MAMLD1: variants seen among roughly 807,000 people sequenced by gnomAD.
MAMLD1 encodes mastermind-like domain-containing protein 1.
Under a neutral mutation model 45.0 loss-of-function variants are expected in MAMLD1, and 14 were observed. The observed-to-expected ratio is 0.31, with a 90% CI of 0.21 to 0.49. MAMLD1 has a LOEUF of 0.49. Ranked by LOEUF, MAMLD1 falls within the 20% of genes least tolerant of loss-of-function variation. The pLI, the probability that MAMLD1 is intolerant of heterozygous loss-of-function variation, is 0.99. For synonymous variants in MAMLD1, 254 were observed against 247.8 expected, an observed-to-expected ratio of 1.02 and a Z score of -0.24; for missense variants, 543 against 603.6, an observed-to-expected ratio of 0.90 and a Z score of 1.05.
chrX:150,398,257 GAA>G (rs2033521463), intron 1 of MAMLD1, among the ~76,000 whole-genome samples: 5 of 24,081 alleles, frequency 2.1e-4, no homozygotes, highest in East Asian at 3.7e-3. Context: ...AGAAGGAGAA[GAA>G]GAAGAAGAAG....
Position 150,512,292 on chromosome X carries a change from C to G in MAMLD1, c.*333C>G. 8.9e-7 allele frequency: 1 copy of G among 1,123,029 alleles called. No individual in the cohort carries two copies. 92.6% of individuals were successfully genotyped at this position (1,123,029 alleles called of 1,213,427 possible). A position where few individuals can be genotyped will look rare whatever the true frequency, so the allele number is the denominator to read the frequency against. On this transcript the variant is annotated 3_prime_UTR_variant, in exon 8 of 8. Transcript: ENST00000370401. Reference sequence around the variant, plus strand: ...TGCCAGCATATGCAGAGTCCCAAGGCCACCCCACCAGAAGTGCCCCTGCCT... The same window carrying G: ...TGCCAGCATATGCAGAGTCCCAAGGGCACCCCACCAGAAGTGCCCCTGCCT...
intron 1 of MAMLD1, among the ~76,000 whole-genome samples, chrX:150,398,911 G>A (rs972645509): frequency 3.6e-5 from 4 of 111,724 alleles, no homozygotes; most frequent in Non-Finnish European, 5.6e-5. Flanking sequence ...TGTCACTTCT[G>A]CTGGAAATCT....
chrX:150,370,431 T>C (rs2031881022), intron 1 of MAMLD1, among the ~76,000 whole-genome samples: 1 of 112,303 alleles, frequency 8.9e-6, no homozygotes, highest in Non-Finnish European at 1.9e-5. Context: ...TCATTGTTGT[T>C]CTTTAGTCTG....
At chrX:150,461,214 G>A (rs1186802805) in intron 2 of MAMLD1, among the ~76,000 whole-genome samples, 3 of 113,116 alleles carry the variant, frequency 2.7e-5, no homozygotes, top group Non-Finnish European at 5.6e-5. Context: ...CACACTTGCA[G>A]CATTCCTGGG....
At chrX:150,370,127 G>A (rs2031848106) in intron 1 of MAMLD1, among the ~76,000 whole-genome samples, 1 of 109,570 alleles carries the variant, frequency 9.1e-6, no homozygotes, top group Non-Finnish European at 1.9e-5. Flanking sequence ...CAACCCAGAT[G>A]TCACTGGGGA....
chrX:150,507,061 G>A (rs2037751677), intron 6 of MAMLD1, among the ~76,000 whole-genome samples: 2 of 112,217 alleles, frequency 1.8e-5, no homozygotes, highest in Admixed American at 9.4e-5. Flanking sequence ...AAGCACACCT[G>A]GGCTTGCATA....
intron 1 of MAMLD1, among the ~76,000 whole-genome samples, chrX:150,426,265 G>T (rs1427195662): frequency 1.8e-5 from 2 of 112,424 alleles, no homozygotes; most frequent in Non-Finnish European, 3.8e-5. Flanking sequence ...ACAGCAGGGT[G>T]ATCTGCTCTA....
chrX:150,471,550 T>G, intron 4 of MAMLD1, 60 bp downstream of exon 4: 4 of 1,209,101 alleles, frequency 3.3e-6, no homozygotes, highest in Non-Finnish European at 4.5e-6. Context: ...CTGTGTTTCA[T>G]GTTGCCAATA....
chrX:150,373,173 C>G (rs5925537), intron 1 of MAMLD1, among the ~76,000 whole-genome samples: 2 of 111,588 alleles, frequency 1.8e-5, no homozygotes, highest in Non-Finnish European at 3.8e-5. Context: ...TCTTCCTGGG[C>G]GTCCCGCACC....
intron 1 of MAMLD1, among the ~76,000 whole-genome samples, chrX:150,444,549 G>C (rs2035426692): frequency 9.0e-6 from 1 of 111,521 alleles, no homozygotes; most frequent in African/African-American, 3.3e-5. Context: ...TATTATGTTT[G>C]TTTTATATAT....
In MAMLD1 at chrX:150,470,914, G is replaced by C; in HGVS notation, c.1341G>C (p.Leu447=). Residue 447 remains leucine (L), a synonymous_variant, in exon 4 of 8, where the codon CTG becomes CTC. Coordinates refer to ENST00000370401, the MANE Select transcript of MAMLD1 (RefSeq NM_005491.5). ...KTPQGHLMSA[L]PASNPGPSPP... Reference sequence around the variant, plus strand: ...CTCAAGGACACCTGATGTCTGCTCTGCCTGCCAGCAACCCTGGGCCGTCCC... The same window carrying C: ...CTCAAGGACACCTGATGTCTGCTCTCCCTGCCAGCAACCCTGGGCCGTCCC... The C allele has an allele frequency of 8.3e-7, 1 of 1,211,482 alleles. No homozygotes were observed. The highest frequency in any genetic ancestry group is 1.1e-6 in the Non-Finnish European group (1 of 895,495).
At chrX:150,398,343 G>GAAGAAGAAGAAGAAGAA (rs1569564636) in intron 1 of MAMLD1, among the ~76,000 whole-genome samples, 2 of 56,469 alleles carry the variant, frequency 3.5e-5, no homozygotes, top group South Asian at 8.4e-4. Flanking sequence ...AAGAAGAAGA[G>GAAGAAGAAGAAGAAGAA]GAAGAGGAAG....
rs1188699486 is a variant in MAMLD1 at position 150,514,088 on chromosome X, G to A, written c.*2129G>A. On this transcript the variant is annotated 3_prime_UTR_variant, in exon 8 of 8. Coordinates refer to ENST00000370401, the MANE Select transcript of MAMLD1 (RefSeq NM_005491.5). ...GTAATCACATTTTAATTGCCACCTC[G>A]TATTTCACCTCTACATTTGAAATCT... 23 of 264,130 alleles carry A rather than the reference G, an allele frequency of 8.7e-5. No homozygotes were observed. The highest frequency in any genetic ancestry group is 1.0e-3 in the Middle Eastern group (1 of 973). 21.8% of individuals were successfully genotyped at this position (264,130 alleles called of 1,213,427 possible).
intron 6 of MAMLD1, chrX:150,509,239 T>G (rs1557409009): frequency 8.9e-6 from 1 of 112,159 alleles, no homozygotes; most frequent in African/African-American, 3.2e-5. Flanking sequence ...TGTTGGAGAC[T>G]GTGTCCACCT....
intron 5 of MAMLD1, among the ~76,000 whole-genome samples, chrX:150,489,141 G>A (rs1445919689): frequency 1.8e-5 from 2 of 112,331 alleles, no homozygotes; most frequent in East Asian, 5.6e-4. Flanking sequence ...TGATCTGTGA[G>A]CCAAGTGCTT....
intron 1 of MAMLD1, among the ~76,000 whole-genome samples, chrX:150,389,212 A>G (rs782295779): frequency 9.1e-6 from 1 of 110,481 alleles, no homozygotes; most frequent in Non-Finnish European, 1.9e-5. Context: ...ACGCCTGACT[A>G]ATTTTTTGTA....
chrX:150,488,920 G>C (rs782061314), intron 5 of MAMLD1, among the ~76,000 whole-genome samples: 1 of 113,059 alleles, frequency 8.8e-6, no homozygotes, highest in Non-Finnish European at 1.9e-5. Flanking sequence ...GCTGGACTTT[G>C]GCAGGTAGAG....
intron 2 of MAMLD1, among the ~76,000 whole-genome samples, chrX:150,447,068 T>A (rs2035513309): frequency 8.9e-6 from 1 of 112,410 alleles, no homozygotes; most frequent in South Asian, 3.7e-4. Context: ...AATGCACAGA[T>A]TCCAGTGGGG....
Position 150,462,836 on chromosome X carries a change from G to A in MAMLD1, c.161G>A (p.Arg54Lys), listed in dbSNP as rs781984465. The change falls in exon 3 of 8, where the codon AGA (arginine) becomes AAA (lysine). Residue 54 changes from arginine (R) to lysine (K), a missense_variant. Transcript: ENST00000370401. Reference sequence around the variant, plus strand: ...TTTCTCTACAAGAGCAGCCCAGGAAGAAAGCATCAGGTAAGCATAAGCTTA... The same window carrying A: ...TTTCTCTACAAGAGCAGCCCAGGAAAAAAGCATCAGGTAAGCATAAGCTTA... ...LSFLYKSSPG[R>K]KHQGTVKRRQ... 3 of 1,203,925 alleles carry A rather than the reference G, an allele frequency of 2.5e-6. No individual in the cohort carries two copies. In the South Asian group the frequency reaches 5.3e-5, roughly 21 times the overall value.
Sources: gnomAD v4.1 joint callset for allele counts (sites outside exome capture counted in the v4.1 genomes callset) on GRCh38, gnomAD v4.1.1 for gene constraint, MANE v1.5 for transcripts, NCBI Gene and HGNC (gene_info 2026-07-23, HGNC 2026-07-21) for gene names.